MPC1: variants seen among roughly 807,000 people sequenced by gnomAD.
The protein encoded by MPC1 is mitochondrial pyruvate carrier 1, also known as HSPC040 protein.
A neutral mutation model predicts 13.9 loss-of-function variants in MPC1; 6 were observed. The ratio of observed to expected loss-of-function variants is 0.43; its 90% CI spans 0.24 to 0.85. MPC1 has a LOEUF of 0.85. Among genes scored for constraint, MPC1 ranks in the 40% least tolerant of loss-of-function variants. MPC1 has a pLI of 0.24. For synonymous variants in MPC1, 47 were observed against 50.5 expected, an observed-to-expected ratio of 0.93 and a Z score of 0.29; for missense variants, 115 against 143.3, an observed-to-expected ratio of 0.80 and a Z score of 1.01.
intron 2 of MPC1, chr6:166,367,218 C>A: frequency 1.8e-6 from 2 of 1,095,346 alleles, no homozygotes; most frequent in Non-Finnish European, 2.3e-6. Flanking sequence ...AAATAAGATT[C>A]ACTTCTTACA....
chr6:166,372,097 T>C (rs1779402116), intron 1 of MPC1, among the ~76,000 whole-genome samples: 1 of 152,166 alleles, frequency 6.6e-6, no homozygotes, highest in Non-Finnish European at 1.5e-5. Flanking sequence ...AGCAGAGAGA[T>C]TGATAACCTT....
rs1175434820 is a variant in MPC1 at position 166,380,939 on chromosome 6, C to CAAAAAAAAAA, written c.71+1857_71+1866dup. Among the ~76,000 whole-genome samples, 63 of 47,660 alleles carry CAAAAAAAAAA rather than the reference C, an allele frequency of 1.3e-3. 1 individual carries two copies. Among genetic ancestry groups the CAAAAAAAAAA allele is most frequent in the Non-Finnish European group, 2.1e-3 (45 of 21,852 alleles). 31.3% of individuals were successfully genotyped at this position (47,660 alleles called of 152,430 possible). Reference sequence around the variant, plus strand: ...GGGCAACAAGAGACAAACTCTGTCTCAAAAAAAAAAAAAAAAAAAAAAAAA... The same window carrying CAAAAAAAAAA: ...GGGCAACAAGAGACAAACTCTGTCTCAAAAAAAAAAAAAAAAAAAAAAAAAAAAAAAAAAA... On this transcript the variant is annotated intron_variant, in intron 1 of 4. Transcript: ENST00000360961.
intron 2 of MPC1, chr6:166,367,262 G>T: frequency 1.2e-6 from 1 of 833,100 alleles, no homozygotes; most frequent in Non-Finnish European, 1.5e-6. Flanking sequence ...AACCCTGTTA[G>T]AACTATTCTC....
intron 1 of MPC1, chr6:166,381,887 G>A (rs1259309687): frequency 5.7e-6 from 5 of 870,150 alleles, no homozygotes; most frequent in Non-Finnish European, 6.9e-6. Context: ...AAACCGAAAG[G>A]CGAACCCAAG....
At position 166,365,855 on chromosome 6, in the gene MPC1, C is replaced by G; in HGVS notation, c.305+119G>C. The G allele has an allele frequency of 7.6e-7, 1 of 1,324,072 alleles. No individual in the cohort carries two copies. The highest frequency in any genetic ancestry group is 2.4e-5 in the East Asian group (1 of 42,006). The allele number at this position is 1,324,072 out of a possible 1,614,324, so 82.0% of individuals were successfully genotyped here. ...GTTTAGTAAGTTGTTTCCCCAACTGCTAAAGCGCATCTATACACACTCCAG... is the reference window on the plus strand; with the variant it reads ...GTTTAGTAAGTTGTTTCCCCAACTGGTAAAGCGCATCTATACACACTCCAG... On this transcript the variant is annotated intron_variant, in intron 4 of 4. Coordinates refer to ENST00000360961, the MANE Select transcript of MPC1 (RefSeq NM_016098.4). The surrounding 1 kb of genome is among the most constrained non-coding windows in gnomAD (Gnocchi z 4.2).
intron 3 of MPC1, 41 bp downstream of exon 3, chr6:166,366,754 A>T (rs146613293): frequency 3.9e-5 from 62 of 1,575,770 alleles, no homozygotes; most frequent in African/African-American, 3.1e-4. Context: ...GAGCTCTACT[A>T]TGTTGAAAGT....
chr6:166,365,083 G>A lies in MPC1; in HGVS notation c.*346C>T, dbSNP rs1332024139. ...TCATTAAAGACAATGTTAAGAATCA[G>A]GAGTACTTAAGTGCTAGTGGTTACA... On this transcript the variant is annotated 3_prime_UTR_variant, in exon 5 of 5. Coordinates refer to ENST00000360961, the MANE Select transcript of MPC1 (RefSeq NM_016098.4). The surrounding 1 kb of genome is among the most constrained non-coding windows in gnomAD (Gnocchi z 4.2). The A allele has an allele frequency of 1.1e-5, 2 of 190,184 alleles. No homozygotes were observed. Among genetic ancestry groups the A allele is most frequent in the African/African-American group, 4.7e-5 (2 of 42,920 alleles). The allele number at this position is 190,184 out of a possible 1,614,324, so 11.8% of individuals were successfully genotyped here.
chr6:166,371,533 T>C (rs922867850), intron 1 of MPC1, among the ~76,000 whole-genome samples: 7 of 152,152 alleles, frequency 4.6e-5, no homozygotes, highest in Non-Finnish European at 1.0e-4. Flanking sequence ...AAAAATGAAA[T>C]AATAAAATCC....
rs1779191868 is a variant in MPC1 at position 166,367,166 on chromosome 6, C to G, written c.76-275G>C. ...TCCCTACTGGTTTCCACACTACAAC[C>G]AAGTCATCTCTGATTGTCCTATTTA... On this transcript the variant is annotated intron_variant, in intron 2 of 4. Coordinates refer to ENST00000360961, the MANE Select transcript of MPC1 (RefSeq NM_016098.4). The G allele has an allele frequency of 2.4e-6, 3 of 1,270,850 alleles. No homozygotes were observed. The Admixed American group carries it at 1.0e-4, about 43-fold the overall frequency. 78.7% of individuals were successfully genotyped at this position (1,270,850 alleles called of 1,614,324 possible).
intron 2 of MPC1, chr6:166,368,658 A>T: frequency 2.6e-6 from 1 of 378,674 alleles, no homozygotes; most frequent in Non-Finnish European, 3.6e-6. Flanking sequence ...TAGATGCAAT[A>T]TGGCCAGTTT....
At chr6:166,382,938 GACACCCCGGCCA>G (rs1369106990) in exon 1 of MPC1, 14 of 1,521,642 alleles carry the variant, frequency 9.2e-6, no homozygotes, top group African/African-American at 1.4e-5. Context: ...CAGAGCCAAT[GACACCCCGGCCA>G]ACCCCCCGGC....
intron 1 of MPC1, among the ~76,000 whole-genome samples, chr6:166,376,187 T>C (rs946914743): frequency 2.6e-5 from 4 of 152,112 alleles, no homozygotes; most frequent in African/African-American, 9.7e-5. Flanking sequence ...TGTATATATA[T>C]ATAATTTTTA....
chr6:166,366,797 A>G lies in MPC1; in HGVS notation c.170T>C (p.Phe57Ser). The G allele has an allele frequency of 6.2e-6, 10 of 1,613,834 alleles. No homozygotes were observed. The highest frequency in any genetic ancestry group is 6.8e-6 in the Non-Finnish European group (8 of 1,179,742). ...SPEIISGRMT[F>S]ALCCYSLTFM... ...ATTATCCAAATCTGCATTCTTACCAAATGTCATCCGCCCACTGATAATCTC... is the reference window on the plus strand; with the variant it reads ...ATTATCCAAATCTGCATTCTTACCAGATGTCATCCGCCCACTGATAATCTC... The change falls in exon 3 of 5, where the codon TTT becomes TCT. Residue 57 changes from phenylalanine (F) to serine (S), a missense_variant and splice_region_variant. Phe to Ser is a radical substitution (Grantham distance 155). Transcript: ENST00000360961.
chr6:166,373,994 T>C (rs979720126), intron 1 of MPC1, among the ~76,000 whole-genome samples: 1 of 152,018 alleles, frequency 6.6e-6, no homozygotes, highest in Non-Finnish European at 1.5e-5. Context: ...TTTGTTGGCT[T>C]GTTTTTTTTT....
At position 166,372,918 on chromosome 6, in the gene MPC1, T is replaced by G. The variant is rs559404995; in HGVS notation, c.72-2697A>C. Among the ~76,000 whole-genome samples, 4 of 152,332 alleles carry G rather than the reference T, an allele frequency of 2.6e-5. No homozygotes were observed. In the East Asian group the frequency reaches 7.7e-4, roughly 29 times the overall value. ...TCATAGACTTTCTTGGGTTCACTTA[T>G]GATTTTGAATTCTCATGGAGGAGAA... On this transcript the variant is annotated intron_variant, in intron 1 of 4. Transcript: ENST00000360961.
chr6:166,380,614 A>C (rs564383018), intron 1 of MPC1, among the ~76,000 whole-genome samples: 1 of 152,300 alleles, frequency 6.6e-6, no homozygotes, highest in Non-Finnish European at 1.5e-5. Flanking sequence ...CTCTTCCTTG[A>C]AAATATATTT....
At chr6:166,375,769 T>C (rs1236527628) in intron 1 of MPC1, among the ~76,000 whole-genome samples, 1 of 152,202 alleles carries the variant, frequency 6.6e-6, no homozygotes, top group Admixed American at 6.5e-5. Context: ...TTCTAGTCTT[T>C]TAAATTGGTT....
At chr6:166,371,497 A>T (rs1779378341) in intron 1 of MPC1, among the ~76,000 whole-genome samples, 1 of 152,240 alleles carries the variant, frequency 6.6e-6, no homozygotes, top group Non-Finnish European at 1.5e-5. Flanking sequence ...AAATAAAATA[A>T]TAAAATTGAG....
intron 1 of MPC1, among the ~76,000 whole-genome samples, chr6:166,379,932 C>T (rs937092342): frequency 2.0e-5 from 3 of 152,172 alleles, no homozygotes; most frequent in African/African-American, 7.2e-5. Flanking sequence ...GGGCAGGAAA[C>T]ACTAAAATAA....
Sources: gnomAD v4.1 joint callset for allele counts (sites outside exome capture counted in the v4.1 genomes callset) on GRCh38, gnomAD v4.1.1 for gene constraint, Gnocchi (gnomAD v3.1) non-coding constraint, MANE v1.5 for transcripts, NCBI Gene and HGNC (gene_info 2026-07-23, HGNC 2026-07-21) for gene names.